SLC16A12: variants seen among roughly 807,000 people sequenced by gnomAD.
SLC16A12 encodes the protein solute carrier family 16 member 12.
A neutral mutation model predicts 42.4 loss-of-function variants in SLC16A12; 17 were observed. The observed-to-expected ratio is 0.40, with a 90% confidence interval of 0.27 to 0.60. SLC16A12 has a LOEUF of 0.60. Ranked by LOEUF, SLC16A12 falls within the 20% of genes least tolerant of loss-of-function variation. SLC16A12 has a pLI of 0.42. For synonymous variants in SLC16A12, 224 were observed against 229.4 expected, an observed-to-expected ratio of 0.98 and a Z score of 0.21; for missense variants, 544 against 623.0, an observed-to-expected ratio of 0.87 and a Z score of 1.35.
At chr10:89,466,470 C>T (rs1017517530) in intron 2 of SLC16A12, among the ~76,000 whole-genome samples, 3 of 151,068 alleles carry the variant, frequency 2.0e-5, no homozygotes, top group African/African-American at 4.8e-5. Flanking sequence ...TACCTTCTGC[C>T]TACTTCACAG....
intron 5 of SLC16A12, among the ~76,000 whole-genome samples, chr10:89,440,245 C>T (rs1841883647): frequency 6.6e-6 from 1 of 152,082 alleles, no homozygotes; most frequent in African/African-American, 2.4e-5. Flanking sequence ...AGCCAGCAAC[C>T]CAGAGTTGCC....
At chr10:89,455,716 G>A (rs1842178266) in intron 3 of SLC16A12, among the ~76,000 whole-genome samples, 1 of 152,146 alleles carries the variant, frequency 6.6e-6, no homozygotes, top group South Asian at 2.1e-4. Context: ...TTGTTCTTTG[G>A]AATATTTTAC....
intron 2 of SLC16A12, among the ~76,000 whole-genome samples, chr10:89,504,288 C>A (rs1843028158): frequency 6.6e-6 from 1 of 152,178 alleles, no homozygotes; most frequent in African/African-American, 2.4e-5. Flanking sequence ...CAGTCAATCT[C>A]ATGTAAAGAG....
At chr10:89,434,805 G>A (rs1036941221) in intron 7 of SLC16A12, among the ~76,000 whole-genome samples, 37 of 152,032 alleles carry the variant, frequency 2.4e-4, no homozygotes, top group African/African-American at 8.0e-4. Context: ...TATTTACCTC[G>A]CATGAGCATC....
In SLC16A12 at chr10:89,452,915, C is replaced by A. The variant is rs888867914; in HGVS notation, c.201-9056G>T. On this transcript the variant is annotated intron_variant, in intron 3 of 7. Transcript: ENST00000371790. ...AGGGGTCTGCTCTTGGGAGACGCAGCTTTCTGCAGGTGAGGGGGACCTAAG... is the reference window on the plus strand; with the variant it reads ...AGGGGTCTGCTCTTGGGAGACGCAGATTTCTGCAGGTGAGGGGGACCTAAG... Among the ~76,000 whole-genome samples, 3 of 152,228 alleles carry A rather than the reference C, an allele frequency of 2.0e-5. 1 individual carries two copies. The highest frequency in any genetic ancestry group is 4.1e-4 in the South Asian group (2 of 4,830).
chr10:89,507,504 C>A (rs1449063267), intron 2 of SLC16A12, among the ~76,000 whole-genome samples: 1 of 152,156 alleles, frequency 6.6e-6, no homozygotes, highest in African/African-American at 2.4e-5. Flanking sequence ...AAATAAAATT[C>A]TTTACAGACA....
intron 2 of SLC16A12, among the ~76,000 whole-genome samples, chr10:89,498,228 G>A (rs1009626842): frequency 1.3e-5 from 2 of 152,082 alleles, no homozygotes; most frequent in African/African-American, 4.8e-5. Context: ...GTAGAGGGTG[G>A]GGGTGAGGTG....
chr10:89,447,349 A>G (rs959920103), intron 3 of SLC16A12, among the ~76,000 whole-genome samples: 1 of 152,240 alleles, frequency 6.6e-6, no homozygotes, highest in African/African-American at 2.4e-5. Flanking sequence ...TTCACCACAT[A>G]GTTGGAAGTA....
rs752419724 is a variant in SLC16A12, at chr10:89,436,063, C to T, written c.1285G>A (p.Ala429Thr). ...GGGTTTCTCTCTGGAAACTTACCTG[C>T]GATGGGTGGGCTCACCAAGTATGGC... ...AVPYLVSPPI[A>T]GRLVDTTGSY... Residue 429 changes from alanine (A) to threonine (T), a missense_variant, in exon 7 of 8, where the codon GCA (alanine) becomes ACA (threonine). Physicochemically the swap from Ala to Thr is moderately conservative, Grantham distance 58. Transcript: ENST00000371790. 1.2e-5 allele frequency: 19 copies of T among 1,613,556 alleles called. No individual in the cohort carries two copies. Among genetic ancestry groups the T allele is most frequent in the East Asian group, 2.2e-5 (1 of 44,886 alleles).
At chr10:89,448,598 A>G (rs1842041564) in intron 3 of SLC16A12, among the ~76,000 whole-genome samples, 1 of 152,200 alleles carries the variant, frequency 6.6e-6, no homozygotes, top group African/African-American at 2.4e-5. Flanking sequence ...GTATTGATGG[A>G]ATGTATCTCA....
Position 89,532,292 on chromosome 10 carries a change from G to GA in SLC16A12, c.-47+2208dup, listed in dbSNP as rs903967852. On this transcript the variant is annotated intron_variant, in intron 2 of 7. Transcript: ENST00000371790. ...TGGGGCACAGTGGTGGGTGAATGAAGAAAAAAAAATCAGCTACTCCAGGTG... is the reference window on the plus strand; with the variant it reads ...TGGGGCACAGTGGTGGGTGAATGAAGAAAAAAAAAATCAGCTACTCCAGGTG... 3.3e-5 allele frequency among the ~76,000 whole-genome samples: 5 copies of GA among 151,346 alleles called. No individual in the cohort carries two copies. In the East Asian group the frequency reaches 5.8e-4, roughly 18 times the overall value.
At chr10:89,514,176 C>T (rs58982954) in intron 2 of SLC16A12, among the ~76,000 whole-genome samples, 12,129 of 152,030 alleles carry the variant, frequency 0.08, 759 homozygotes, top group East Asian at 0.3. Context: ...GTCTACAGAC[C>T]GTAAGAGTAG....
At chr10:89,446,269 A>G (rs1484259495) in intron 3 of SLC16A12, among the ~76,000 whole-genome samples, 3 of 152,044 alleles carry the variant, frequency 2.0e-5, no homozygotes, top group Admixed American at 2.0e-4. Context: ...ACACAAAGAT[A>G]CTCCTTGAGA....
intron 1 of SLC16A12, chr10:89,556,379 ATC>A (rs1422653472): frequency 6.6e-6 from 1 of 152,116 alleles, no homozygotes; most frequent in Non-Finnish European, 1.5e-5. Context: ...CTATCAATCT[ATC>A]TCTCTATCTC....
chr10:89,538,775 A>C (rs1843695425), upstream of SLC16A12, among the ~76,000 whole-genome samples: 1 of 152,226 alleles, frequency 6.6e-6, no homozygotes, highest in African/African-American at 2.4e-5. Context: ...TTTTACCTTA[A>C]AAATATTGGG....
chr10:89,489,426 G>A (rs769512567), intron 2 of SLC16A12, among the ~76,000 whole-genome samples: 1 of 152,034 alleles, frequency 6.6e-6, no homozygotes, highest in Admixed American at 6.6e-5. Context: ...TGCAACCTCT[G>A]TCTCCCGGGC....
intron 2 of SLC16A12, among the ~76,000 whole-genome samples, chr10:89,482,724 A>C (rs1842685481): frequency 6.6e-6 from 1 of 152,004 alleles, no homozygotes; most frequent in Non-Finnish European, 1.5e-5. Flanking sequence ...TAGAGGTTGC[A>C]ATGAGACAAG....
chr10:89,539,975 C>T (rs376962197), upstream of SLC16A12, among the ~76,000 whole-genome samples: 2 of 135,760 alleles, frequency 1.5e-5, no homozygotes, highest in South Asian at 2.3e-4. Context: ...CTTTCTTTCT[C>T]TCTTTCTTTC....
chr10:89,476,026 G>A lies in SLC16A12; in HGVS notation c.-46-13402C>T, dbSNP rs142597833. 2.2e-4 allele frequency among the ~76,000 whole-genome samples: 34 copies of A among 152,268 alleles called. No homozygotes were observed. The East Asian group carries it at 6.4e-3, about 29-fold the overall frequency. Reference sequence around the variant, plus strand: ...CAACTACATTTTCTGCAGTAATAGGGTTCTGGTATAACATTGGGTGTAGTG... The same window carrying A: ...CAACTACATTTTCTGCAGTAATAGGATTCTGGTATAACATTGGGTGTAGTG... On this transcript the variant is annotated intron_variant, in intron 2 of 7. Transcript: ENST00000371790.
Sources: allele counts gnomAD v4.1 joint callset (sites outside exome capture counted in the v4.1 genomes callset), GRCh38; gene constraint gnomAD v4.1.1; transcripts MANE v1.5; gene names NCBI Gene and HGNC (gene_info 2026-07-23, HGNC 2026-07-21).